LRRC69: variants seen among roughly 807,000 people sequenced by gnomAD.
LRRC69 encodes leucine rich repeat containing 69.
LRRC69 carries 42 observed loss-of-function variants against 37.8 expected under a neutral mutation model. The observed-to-expected ratio is 1.11, with a 90% confidence interval of 0.87 to 1.44. The LOEUF (loss-of-function observed/expected upper bound fraction) is 1.44, where lower values mean the gene tolerates loss of function less well. LRRC69 is among the 40% of genes most tolerant of loss of function. The pLI, the probability that LRRC69 is intolerant of heterozygous loss-of-function variation, is 0.00. For missense variants in LRRC69, 357 were observed against 401.9 expected (o/e 0.89, Z 0.96); for synonymous variants, 141 against 143.1 (o/e 0.99, Z 0.11).
chr8:91,158,343 A>G (rs1213950737), intron 5 of LRRC69: 6 of 1,455,052 alleles, frequency 4.1e-6, no homozygotes, highest in Non-Finnish European at 5.8e-6. Context: ...CTAGTTTTTG[A>G]TGAGAATGAA....
chr8:91,199,217 A>G (rs1177699210), intron 6 of LRRC69, among the ~76,000 whole-genome samples: 1 of 152,238 alleles, frequency 6.6e-6, no homozygotes, highest in Non-Finnish European at 1.5e-5. Flanking sequence ...ATCACAAGCT[A>G]TGATCTGCTT....
intron 5 of LRRC69, among the ~76,000 whole-genome samples, chr8:91,152,361 C>G (rs975878345): frequency 1.6e-4 from 24 of 151,662 alleles, no homozygotes; most frequent in African/African-American, 5.6e-4. Flanking sequence ...AGCCAGTTTT[C>G]CTAGCACCAT....
rs200850116 is a variant in LRRC69, at chr8:91,163,926, GC to G, written c.652-25594del. On this transcript the variant is annotated intron_variant, in intron 5 of 7. Coordinates refer to ENST00000448384, the Ensembl canonical transcript of LRRC69. ...TAATGGAATATATATTAAAATACAAGCCAAATCAAAAATAAAAATTCAGCTC... is the reference window on the plus strand; with the variant it reads ...TAATGGAATATATATTAAAATACAAGCAAATCAAAAATAAAAATTCAGCTC... Among the ~76,000 whole-genome samples the G allele has an allele frequency of 5.3e-3, 808 of 151,260 alleles. 29 individuals carry two copies. The highest frequency in any genetic ancestry group is 4.1e-3 in the Non-Finnish European group (278 of 67,714).
chr8:91,206,612 C>G lies in LRRC69; in HGVS notation c.933+5820C>G. 6 of 1,174,308 alleles carry G rather than the reference C, an allele frequency of 5.1e-6. No individual in the cohort carries two copies. In the South Asian group the frequency reaches 6.9e-5, roughly 13 times the overall value. 72.7% of individuals were successfully genotyped at this position (1,174,308 alleles called of 1,614,324 possible). On this transcript the variant is annotated intron_variant, in intron 7 of 7. Coordinates refer to ENST00000448384, the Ensembl canonical transcript of LRRC69. ...TGTTCTGAACACCTTAGACAAGTTG[C>G]CATGTTTAATTGTGCTCTGACAGAT...
chr8:91,129,662 T>C (rs1813774662), intron 3 of LRRC69, among the ~76,000 whole-genome samples: 1 of 152,018 alleles, frequency 6.6e-6, no homozygotes, highest in Admixed American at 6.6e-5. Flanking sequence ...TGCTGAGTTG[T>C]CCTTCTTTGA....
At chr8:91,182,418 A>G (rs528168812) in intron 5 of LRRC69, among the ~76,000 whole-genome samples, 17 of 152,178 alleles carry the variant, frequency 1.1e-4, no homozygotes, top group Non-Finnish European at 2.5e-4. Flanking sequence ...ATTATAATAC[A>G]AAATAGAAAA....
In LRRC69 at chr8:91,200,339, T is replaced by C. The variant is rs570767985; in HGVS notation, c.754-274T>C. On this transcript the variant is annotated intron_variant, in intron 6 of 7. Coordinates refer to ENST00000448384, the Ensembl canonical transcript of LRRC69. ...CTAAACTGTATCTAACTTTATAAAA[T>C]GTGTAATGCAAATGTATTACGACTT... Among the ~76,000 whole-genome samples, 24 of 152,356 alleles carry C rather than the reference T, an allele frequency of 1.6e-4. No homozygotes were observed. In the South Asian group the frequency reaches 4.3e-3, roughly 28 times the overall value.
At chr8:91,206,616 G>A in intron 7 of LRRC69, 1 of 1,212,310 alleles carries the variant, frequency 8.2e-7, no homozygotes, top group Non-Finnish European at 1.1e-6. Context: ...AAGTTGCCAT[G>A]TTTAATTGTG....
rs763785873 is a variant in LRRC69, at chr8:91,167,213, G to A, written c.652-22309G>A. 1.3e-5 allele frequency among the ~76,000 whole-genome samples: 2 copies of A among 151,802 alleles called. 1 individual carries two copies. Among genetic ancestry groups the A allele is most frequent in the South Asian group, 4.1e-4 (2 of 4,832 alleles). On this transcript the variant is annotated intron_variant, in intron 5 of 7. Coordinates refer to ENST00000448384, the Ensembl canonical transcript of LRRC69. The stretch of plus-strand genomic sequence containing the variant: ...GACTGGGTAATTATAAAGGAAAGAA[G>A]TTTAATTGCTTCACAGTTCCATATG...
intron 7 of LRRC69, among the ~76,000 whole-genome samples, chr8:91,201,754 A>T (rs1367644803): frequency 2.0e-5 from 3 of 152,206 alleles, no homozygotes; most frequent in African/African-American, 7.2e-5. Context: ...AAACAGCTGC[A>T]GTTTCTGCCA....
chr8:91,206,242 C>T (rs1482520273), intron 7 of LRRC69, among the ~76,000 whole-genome samples: 3 of 152,016 alleles, frequency 2.0e-5, no homozygotes, highest in East Asian at 1.9e-4. Flanking sequence ...AAGGTGCTGC[C>T]AAGGAAGGCT....
At chr8:91,138,435 T>G (rs750058572) in intron 5 of LRRC69, among the ~76,000 whole-genome samples, 2 of 151,978 alleles carry the variant, frequency 1.3e-5, no homozygotes, top group Non-Finnish European at 2.9e-5. Flanking sequence ...AATAGTTTAT[T>G]TTACTGCCTT....
intron 5 of LRRC69, among the ~76,000 whole-genome samples, chr8:91,168,472 GC>G (rs1184176406): frequency 6.6e-6 from 1 of 151,874 alleles, no homozygotes; most frequent in Non-Finnish European, 1.5e-5. Flanking sequence ...TTCCAGGAAA[GC>G]TTTTGTTTTT....
At chr8:91,134,257 A>C (rs75040055) in intron 4 of LRRC69, among the ~76,000 whole-genome samples, 1 of 151,502 alleles carries the variant, frequency 6.6e-6, no homozygotes, top group African/African-American at 2.4e-5. Context: ...AAGACCCTGG[A>C]GTGCTGGTAA....
intron 5 of LRRC69, among the ~76,000 whole-genome samples, chr8:91,161,774 TTTTC>T (rs1449582009): frequency 6.6e-6 from 1 of 151,408 alleles, no homozygotes; most frequent in Non-Finnish European, 1.5e-5. Flanking sequence ...TCTGCGCTAA[TTTTC>T]TTTCTTTCTT....
intron 5 of LRRC69, among the ~76,000 whole-genome samples, chr8:91,186,194 T>G (rs1809405135): frequency 6.6e-6 from 1 of 152,206 alleles, no homozygotes; most frequent in Admixed American, 6.5e-5. Flanking sequence ...ATCAGCTCTG[T>G]ACTAGGCATT....
intron 7 of LRRC69, among the ~76,000 whole-genome samples, chr8:91,211,275 A>G (rs1809911743): frequency 6.6e-6 from 1 of 152,088 alleles, no homozygotes; most frequent in Non-Finnish European, 1.5e-5. Context: ...AATAATATCT[A>G]GTAAGTATAT....
intron 7 of LRRC69, among the ~76,000 whole-genome samples, chr8:91,201,968 A>AGTC (rs1809717958): frequency 6.6e-6 from 1 of 152,098 alleles, no homozygotes; most frequent in Admixed American, 6.5e-5. Flanking sequence ...CACTTTGTGA[A>AGTC]GTCGAGGTGG....
At chr8:91,116,328 A>C (rs1358681555) in intron 1 of LRRC69, among the ~76,000 whole-genome samples, 1 of 151,990 alleles carries the variant, frequency 6.6e-6, no homozygotes, top group Non-Finnish European at 1.5e-5. Context: ...ATTTTTATAA[A>C]GAAATAGAGG....
Sources: gnomAD v4.1 joint callset for allele counts (sites outside exome capture counted in the v4.1 genomes callset) on GRCh38, gnomAD v4.1.1 for gene constraint, MANE v1.5 for transcripts, NCBI Gene and HGNC (gene_info 2026-07-23, HGNC 2026-07-21) for gene names.